The following ARSJ variants were observed in gnomAD, a reference collection of about 807,000 sequenced individuals.
ARSJ encodes the protein arylsulfatase family member J, also known as arylsulfatase J.
A neutral mutation model predicts 35.9 loss-of-function variants in ARSJ; 26 were observed. That is an observed-to-expected ratio of 0.72 (90% CI 0.53 to 1.00). The LOEUF (loss-of-function observed/expected upper bound fraction) is 1.00. Ranked by LOEUF, ARSJ falls within the 50% of genes least tolerant of loss-of-function variation. The probability of loss-of-function intolerance (pLI) is 0.00; values close to 1 mark genes in which losing one functional copy is unlikely to be tolerated. For synonymous variants in ARSJ, 294 were observed against 267.6 expected (o/e 1.10, Z -0.96); for missense variants, 667 against 723.6 (o/e 0.92, Z 0.90).
At chr4:113,932,205 C>T (rs1724496720) in intron 1 of ARSJ, among the ~76,000 whole-genome samples, 1 of 151,872 alleles carries the variant, frequency 6.6e-6, no homozygotes, top group African/African-American at 2.4e-5. Context: ...CCAGAGCTCC[C>T]ATGTATATAA....
intron 1 of ARSJ, among the ~76,000 whole-genome samples, chr4:113,972,603 G>T: frequency 6.6e-6 from 1 of 152,084 alleles, no homozygotes; most frequent in East Asian, 1.9e-4. Context: ...TCAAATTCCT[G>T]TGCTCAAGGG....
chr4:113,933,651 G>T (rs887835443), intron 1 of ARSJ, among the ~76,000 whole-genome samples: 8 of 151,736 alleles, frequency 5.3e-5, no homozygotes, highest in African/African-American at 1.2e-4. Context: ...AATTTTAATA[G>T]ATGCCGAAAA....
chr4:113,945,836 G>C (rs1292343065), intron 1 of ARSJ, among the ~76,000 whole-genome samples: 3 of 151,964 alleles, frequency 2.0e-5, no homozygotes, highest in African/African-American at 7.2e-5. Flanking sequence ...CTGATGAAAA[G>C]AAAAATAATT....
At chr4:113,908,481 C>T (rs938466358) in intron 1 of ARSJ, among the ~76,000 whole-genome samples, 2 of 152,138 alleles carry the variant, frequency 1.3e-5, no homozygotes, top group African/African-American at 2.4e-5. Flanking sequence ...ATTTTTTACA[C>T]GTCAGCTATA....
chr4:113,959,422 T>C (rs1726400685), intron 1 of ARSJ, among the ~76,000 whole-genome samples: 1 of 151,862 alleles, frequency 6.6e-6, no homozygotes, highest in Non-Finnish European at 1.5e-5. Context: ...GTAATAAAGC[T>C]CTCGAGACAC....
At chr4:113,973,756 A>T (rs1474443408) in intron 1 of ARSJ, among the ~76,000 whole-genome samples, 1 of 152,192 alleles carries the variant, frequency 6.6e-6, no homozygotes, top group South Asian at 2.1e-4. Flanking sequence ...TCCCAAAACC[A>T]AATCTTCCAA....
At chr4:113,935,382 C>G (rs1255788129) in intron 1 of ARSJ, among the ~76,000 whole-genome samples, 2 of 151,798 alleles carry the variant, frequency 1.3e-5, no homozygotes, top group Non-Finnish European at 2.9e-5. Context: ...GAGTAAGTCA[C>G]AGTTTTTGTT....
At chr4:113,966,722 A>T (rs560333292) in intron 1 of ARSJ, among the ~76,000 whole-genome samples, 10 of 152,298 alleles carry the variant, frequency 6.6e-5, no homozygotes, top group African/African-American at 2.4e-4. Flanking sequence ...GTGGTTATGA[A>T]TTTAATTTAA....
At chr4:113,951,989 G>A (rs1054019341) in intron 1 of ARSJ, among the ~76,000 whole-genome samples, 1 of 151,892 alleles carries the variant, frequency 6.6e-6, no homozygotes, top group Admixed American at 6.6e-5. Context: ...TTTTCTACAA[G>A]GCTTGTTGAA....
chr4:113,924,149 C>A (rs1211562481), intron 1 of ARSJ, among the ~76,000 whole-genome samples: 2 of 145,552 alleles, frequency 1.4e-5, no homozygotes, highest in East Asian at 2.0e-4. Context: ...TATTAACTTA[C>A]ACAATCACAA....
At chr4:113,968,433 A>T (rs1479131205) in intron 1 of ARSJ, among the ~76,000 whole-genome samples, 2 of 152,206 alleles carry the variant, frequency 1.3e-5, no homozygotes, top group Non-Finnish European at 1.5e-5. Flanking sequence ...AACAGAGCAG[A>T]ATGCACTTGA....
rs781528683 is a variant in ARSJ at position 113,903,546 on chromosome 4, T to C, written c.528A>G (p.Lys176=). 1.9e-6 allele frequency: 3 copies of C among 1,614,192 alleles called. No homozygotes were observed. The highest frequency in any genetic ancestry group is 2.2e-5 in the East Asian group (1 of 44,878). The part of the protein sequence containing the change: ...EVGYSTHMVG[K]WHLGFYRKEC... ...CTTTTCTGTAAAAACCCAAGTGCCA[T>C]TTTCCGACCATATGCGTTGAATATC... Residue 176 remains lysine, a synonymous_variant, in exon 2 of 2, where the codon AAA becomes AAG. Transcript: ENST00000315366.
At chr4:113,953,062 A>G (rs532328453) in intron 1 of ARSJ, among the ~76,000 whole-genome samples, 1 of 152,226 alleles carries the variant, frequency 6.6e-6, no homozygotes, top group South Asian at 2.1e-4. Context: ...TTGGAAAGTA[A>G]TATTTTCCCC....
chr4:113,973,754 C>G (rs1172535689), intron 1 of ARSJ, among the ~76,000 whole-genome samples: 1 of 152,158 alleles, frequency 6.6e-6, no homozygotes, highest in Non-Finnish European at 1.5e-5. Flanking sequence ...AGTCCCAAAA[C>G]CAAATCTTCC....
intron 1 of ARSJ, among the ~76,000 whole-genome samples, chr4:113,935,078 A>G (rs1231562682): frequency 6.6e-6 from 1 of 151,840 alleles, no homozygotes; most frequent in Non-Finnish European, 1.5e-5. Context: ...CAATGTCTGG[A>G]TTTCAAATTA....
chr4:113,949,720 C>T (rs1035963437), intron 1 of ARSJ, among the ~76,000 whole-genome samples: 1 of 152,056 alleles, frequency 6.6e-6, no homozygotes, highest in African/African-American at 2.4e-5. Context: ...CCTATTTGCT[C>T]CTCATTGCCC....
intron 1 of ARSJ, among the ~76,000 whole-genome samples, chr4:113,905,688 T>A (rs749284130): frequency 0.053 from 7,554 of 142,312 alleles, 323 homozygotes; most frequent in East Asian, 0.1. Flanking sequence ...TTTTTTTTTT[T>A]AGACAGTCTC....
chr4:113,925,130 G>C (rs941675516), intron 1 of ARSJ, among the ~76,000 whole-genome samples: 4 of 151,924 alleles, frequency 2.6e-5, no homozygotes, highest in Admixed American at 2.0e-4. Context: ...TTGATATTCC[G>C]GGTCAATCAC....
chr4:113,951,693 C>G (rs77952799), intron 1 of ARSJ, among the ~76,000 whole-genome samples: 7 of 152,006 alleles, frequency 4.6e-5, no homozygotes, highest in African/African-American at 1.7e-4. Context: ...TTTCTTGACG[C>G]CTTCTCTCAT....
Sources: allele counts gnomAD v4.1 joint callset (sites outside exome capture counted in the v4.1 genomes callset), GRCh38; gene constraint gnomAD v4.1.1; transcripts MANE v1.5; gene names NCBI Gene and HGNC (gene_info 2026-07-23, HGNC 2026-07-21).